Variants in ADGRB3 observed in about 807,000 individuals in gnomAD.
The protein encoded by ADGRB3 is adhesion G protein-coupled receptor B3.
ADGRB3 carries 37 observed loss-of-function variants against 193.4 expected under a neutral mutation model. The observed-to-expected ratio is 0.19, with a 90% CI of 0.15 to 0.25. The LOEUF is 0.25. Ranked by LOEUF, ADGRB3 falls within the 10% of genes least tolerant of loss-of-function variation. The pLI, the probability that ADGRB3 is intolerant of heterozygous loss-of-function variation, is 1.00. For missense variants in ADGRB3, 1,637 were observed against 1,852.9 expected (o/e 0.88, Z 2.14); for synonymous variants, 690 against 644.2 (o/e 1.07, Z -1.08).
chr6:69,225,626 C>T (rs1677084200), intron 17 of ADGRB3, among the ~76,000 whole-genome samples: 6 of 152,100 alleles, frequency 3.9e-5, no homozygotes, highest in African/African-American at 1.4e-4. Context: ...ATAGGCAGTC[C>T]AGGGCTTGCA....
At chr6:69,237,972 G>A (rs1298930471) in intron 19 of ADGRB3, among the ~76,000 whole-genome samples, 1 of 151,958 alleles carries the variant, frequency 6.6e-6, no homozygotes, top group Non-Finnish European at 1.5e-5. Flanking sequence ...GTGACCAAAG[G>A]GAATTTCTTT....
intron 3 of ADGRB3, among the ~76,000 whole-genome samples, chr6:68,715,812 T>C (rs1260911626): frequency 6.6e-6 from 1 of 151,670 alleles, no homozygotes; most frequent in Non-Finnish European, 1.5e-5. Context: ...CTCACAATGG[T>C]ATAATAAAAA....
intron 3 of ADGRB3, among the ~76,000 whole-genome samples, chr6:68,860,532 C>T (rs1223029313): frequency 6.6e-6 from 1 of 152,154 alleles, no homozygotes; most frequent in Non-Finnish European, 1.5e-5. Flanking sequence ...TAATGGCCTC[C>T]CACTCCATCC....
intron 17 of ADGRB3, among the ~76,000 whole-genome samples, chr6:69,142,815 C>T (rs1774376966): frequency 6.6e-6 from 1 of 152,110 alleles, no homozygotes; most frequent in African/African-American, 2.4e-5. Context: ...CTCAGTAGGT[C>T]TCTTCGTATG....
intron 3 of ADGRB3, among the ~76,000 whole-genome samples, chr6:68,817,176 G>A (rs1339232509): frequency 6.6e-6 from 1 of 151,000 alleles, no homozygotes; most frequent in Non-Finnish European, 1.5e-5. Context: ...AAATACAAGT[G>A]TTTGTAGAAT....
At chr6:68,935,896 C>G (rs1767475157) in intron 4 of ADGRB3, among the ~76,000 whole-genome samples, 1 of 152,046 alleles carries the variant, frequency 6.6e-6, no homozygotes, top group South Asian at 2.1e-4. Context: ...TAAAAAATCA[C>G]TACTCTAGAT....
intron 3 of ADGRB3, among the ~76,000 whole-genome samples, chr6:68,680,263 G>A (rs1324005556): frequency 6.7e-6 from 1 of 150,278 alleles, no homozygotes; most frequent in Admixed American, 6.6e-5. Context: ...GAGGAGGAAA[G>A]AAGAATGCAA....
chr6:68,723,204 C>T (rs1765614030), intron 3 of ADGRB3, among the ~76,000 whole-genome samples: 1 of 151,618 alleles, frequency 6.6e-6, no homozygotes, highest in South Asian at 2.1e-4. Flanking sequence ...GATAATGTGC[C>T]ACATGGAGTC....
At chr6:69,330,690 T>C (rs1191332341) in intron 23 of ADGRB3, 118 bp downstream of exon 23, 3 of 659,250 alleles carry the variant, frequency 4.6e-6, no homozygotes, top group Non-Finnish European at 7.3e-6. Context: ...TAAAGTTCAA[T>C]GGACTATTAT....
chr6:68,795,324 G>T (rs893971541), intron 3 of ADGRB3, among the ~76,000 whole-genome samples: 2 of 151,888 alleles, frequency 1.3e-5, no homozygotes, highest in African/African-American at 2.4e-5. Flanking sequence ...ATAGGTAAAT[G>T]AAATTATTCT....
intron 17 of ADGRB3, among the ~76,000 whole-genome samples, chr6:69,197,345 T>C (rs1291785734): frequency 1.3e-5 from 2 of 152,108 alleles, no homozygotes; most frequent in African/African-American, 4.8e-5. Flanking sequence ...TATACATGTG[T>C]ATTATAGTAA....
chr6:68,854,518 A>C (rs1764909934), intron 3 of ADGRB3, among the ~76,000 whole-genome samples: 1 of 151,782 alleles, frequency 6.6e-6, no homozygotes, highest in East Asian at 2.0e-4. Context: ...TGTATATATA[A>C]ATTTTAAAAA....
At chr6:68,749,984 A>C (rs183198747) in intron 3 of ADGRB3, among the ~76,000 whole-genome samples, 165 of 152,284 alleles carry the variant, frequency 1.1e-3, no homozygotes, top group Non-Finnish European at 1.9e-3. Context: ...TAACCTCTCT[A>C]TGTTAATCAG....
At chr6:68,822,588 CA>C (rs1767766324) in intron 3 of ADGRB3, among the ~76,000 whole-genome samples, 1 of 152,012 alleles carries the variant, frequency 6.6e-6, no homozygotes, top group East Asian at 1.9e-4. Flanking sequence ...TATTAGAATT[CA>C]AAAGCTACCA....
At chr6:69,273,622 C>T (rs1381895029) in intron 20 of ADGRB3, among the ~76,000 whole-genome samples, 1 of 152,128 alleles carries the variant, frequency 6.6e-6, no homozygotes, top group Non-Finnish European at 1.5e-5. Context: ...TTTGTAGGTC[C>T]ATTTTGGGAA....
chr6:68,945,498 A>C (rs1269557031), intron 6 of ADGRB3, among the ~76,000 whole-genome samples: 4 of 152,124 alleles, frequency 2.6e-5, no homozygotes, highest in Admixed American at 2.6e-4. Flanking sequence ...GGAAAAATTT[A>C]TACTTTTTAA....
intron 3 of ADGRB3, among the ~76,000 whole-genome samples, chr6:68,671,823 T>C (rs979571665): frequency 6.6e-6 from 1 of 152,048 alleles, no homozygotes; most frequent in African/African-American, 2.4e-5. Context: ...TTGTTCAGAA[T>C]AGTTTGAGTA....
chr6:69,137,076 TAATGGTAAGA>T (rs1561930726), intron 17 of ADGRB3, among the ~76,000 whole-genome samples: 9 of 93,264 alleles, frequency 9.7e-5, no homozygotes, highest in Non-Finnish European at 1.4e-4. Flanking sequence ...TTTTTTTTTT[TAATGGTAAGA>T]TCTTTTTGAG....
At chr6:68,953,938 G>C (rs1426119834) in intron 6 of ADGRB3, among the ~76,000 whole-genome samples, 3 of 152,188 alleles carry the variant, frequency 2.0e-5, no homozygotes, top group Non-Finnish European at 2.9e-5. Context: ...TAAGAACAAT[G>C]AACTGATCTT....
Sources: allele counts gnomAD v4.1 joint callset (sites outside exome capture counted in the v4.1 genomes callset), GRCh38; gene constraint gnomAD v4.1.1; transcripts MANE v1.5; gene names NCBI Gene and HGNC (gene_info 2026-07-23, HGNC 2026-07-21).